Variants in FBXL2 observed in about 807,000 individuals in gnomAD.
FBXL2 encodes F-box and leucine rich repeat protein 2, also known as F-box/LRR-repeat protein 2.
FBXL2 carries 38 observed loss-of-function variants against 69.2 expected under a neutral mutation model. The observed-to-expected ratio is 0.55, with a 90% CI of 0.42 to 0.72. FBXL2 has a LOEUF of 0.72. FBXL2 is among the 30% of genes least tolerant of loss of function. The pLI is 0.00. For synonymous variants in FBXL2, 192 were observed against 201.3 expected, an observed-to-expected ratio of 0.95 and a Z score of 0.39; for missense variants, 354 against 520.3, an observed-to-expected ratio of 0.68 and a Z score of 3.11.
In FBXL2 at chr3:33,385,584, G is replaced by A. The variant is rs578109568; in HGVS notation, c.1248G>A (p.Leu416=). ...PTAVAGSGQR[L]CRCCVIL ...CAGTGGCAGGAAGTGGACAGCGACT[G>A]TGCAGGTGCTGTGTCATTCTCTGAC... Residue 416 remains leucine (L), a synonymous_variant, in exon 15 of 15, where the codon CTG becomes CTA. Coordinates refer to ENST00000484457, the MANE Select transcript of FBXL2 (RefSeq NM_012157.5). 1.9e-6 allele frequency: 3 copies of A among 1,613,930 alleles called. No homozygotes were observed. Among genetic ancestry groups the A allele is most frequent in the Non-Finnish European group, 2.5e-6 (3 of 1,179,990 alleles).
chr3:33,279,515 T>C (rs113684455), intron 1 of FBXL2, among the ~76,000 whole-genome samples: 541 of 152,316 alleles, frequency 3.6e-3, no homozygotes, highest in African/African-American at 0.012. Flanking sequence ...GTGATCCTCC[T>C]GCCTTGGCCT....
chr3:33,312,099 C>A (rs1204070747), intron 2 of FBXL2, among the ~76,000 whole-genome samples: 1 of 152,068 alleles, frequency 6.6e-6, no homozygotes, highest in East Asian at 1.9e-4. Flanking sequence ...CTTTGTCACC[C>A]AGACTGGAGT....
chr3:33,373,257 CAGCACGTGTTAT>C lies in FBXL2; in HGVS notation c.361_372del (p.Thr121_Ser124del). On this transcript the variant is annotated splice_acceptor_variant and coding_sequence_variant, in exon 7 of 15. Coordinates refer to ENST00000484457, the MANE Select transcript of FBXL2 (RefSeq NM_012157.5). LOFTEE classifies it high-confidence loss of function. ...TATCTTTAGTGCGTCTGCTCTTTTT[CAGCACGTGTTAT>C]AGCCTTAGCAGATTCTGTTCCAAGC... 8 of 1,613,956 alleles carry C rather than the reference CAGCACGTGTTAT, an allele frequency of 5.0e-6. No homozygotes were observed. The highest frequency in any genetic ancestry group is 6.8e-6 in the Non-Finnish European group (8 of 1,179,856).
At chr3:33,301,163 G>T (rs2036258902) in intron 2 of FBXL2, among the ~76,000 whole-genome samples, 2 of 152,108 alleles carry the variant, frequency 1.3e-5, no homozygotes, top group Admixed American at 1.3e-4. Flanking sequence ...GTTAAATTAT[G>T]TCTTCATTGT....
chr3:33,355,998 A>G (rs1204584013), intron 2 of FBXL2, among the ~76,000 whole-genome samples: 1 of 152,214 alleles, frequency 6.6e-6, no homozygotes, highest in Non-Finnish European at 1.5e-5. Context: ...GAGATGGGAA[A>G]TAATGTAAAT....
chr3:33,277,188 A>C (rs112844151), upstream of FBXL2: 1 of 343,856 alleles, frequency 2.9e-6, no homozygotes, highest in Non-Finnish European at 5.2e-6. Context: ...TTTTTTTTAA[A>C]AAAAAAAAAA....
At chr3:33,298,013 A>C (rs1302788711) in intron 2 of FBXL2, 1 of 399,916 alleles carries the variant, frequency 2.5e-6, no homozygotes, top group African/African-American at 2.1e-5. Context: ...TTTTCAGTAG[A>C]TAATCGTGAT....
At chr3:33,315,830 C>CT (rs912519116) in intron 2 of FBXL2, among the ~76,000 whole-genome samples, 6 of 151,054 alleles carry the variant, frequency 4.0e-5, no homozygotes, top group Admixed American at 6.6e-5. Context: ...TTATTCTGCT[C>CT]TTTTTTTTTC....
At chr3:33,356,510 C>T (rs1173117527) in intron 2 of FBXL2, among the ~76,000 whole-genome samples, 20 of 152,022 alleles carry the variant, frequency 1.3e-4, no homozygotes. Context: ...CCACCACGCC[C>T]AGCTAATTTT....
intron 2 of FBXL2, among the ~76,000 whole-genome samples, chr3:33,318,008 C>T (rs188818439): frequency 1.3e-3 from 204 of 152,112 alleles, no homozygotes; most frequent in African/African-American, 4.3e-3. Context: ...ATGTTTTGGG[C>T]CAGGTTTCTG....
chr3:33,316,098 G>T (rs1416217907), intron 2 of FBXL2, among the ~76,000 whole-genome samples: 2 of 146,428 alleles, frequency 1.4e-5, no homozygotes, highest in East Asian at 2.0e-4. Context: ...TTACTCTATT[G>T]CCCAGGCTGG....
chr3:33,405,568 A>G (rs1433774711), downstream of FBXL2, among the ~76,000 whole-genome samples: 2 of 152,138 alleles, frequency 1.3e-5, no homozygotes, highest in African/African-American at 2.4e-5. Flanking sequence ...GCTCATGCCT[A>G]TAATCCCAGC....
At chr3:33,324,382 C>T (rs185324010) in intron 2 of FBXL2, among the ~76,000 whole-genome samples, 115 of 152,254 alleles carry the variant, frequency 7.6e-4, no homozygotes, top group African/African-American at 2.6e-3. Flanking sequence ...TTGCCCATGC[C>T]TATGTCCTGA....
intron 2 of FBXL2, among the ~76,000 whole-genome samples, chr3:33,352,695 A>C (rs1439480244): frequency 6.6e-6 from 1 of 152,236 alleles, no homozygotes. Flanking sequence ...CAGGAGTTCA[A>C]GACTAGCCTG....
chr3:33,319,351 A>C (rs2037997163), intron 2 of FBXL2, among the ~76,000 whole-genome samples: 1 of 152,172 alleles, frequency 6.6e-6, no homozygotes, highest in Non-Finnish European at 1.5e-5. Context: ...CTATTAAATA[A>C]ATTAAAAAAT....
At position 33,378,087 on chromosome 3, in the gene FBXL2, T is replaced by C. The variant is rs375411206; in HGVS notation, c.850-16T>C. On this transcript the variant is annotated splice_polypyrimidine_tract_variant and intron_variant, in intron 11 of 14. Coordinates refer to ENST00000484457, the MANE Select transcript of FBXL2 (RefSeq NM_012157.5). The stretch of plus-strand genomic sequence containing the variant: ...CACTGACTCACATGTGGGGTGTGTC[T>C]TGTGGACTCTTCCAGAATTGCCACG... The C allele has an allele frequency of 1.4e-5, 22 of 1,613,980 alleles. No individual in the cohort carries two copies. In the African/African-American group the frequency reaches 2.7e-4, roughly 20 times the overall value.
chr3:33,378,125 T>G lies in FBXL2; in HGVS notation c.872T>G (p.Met291Arg). ...LARNCHELEK[M>R]DLEECILITD... ...CAGAATTGCCACGAATTGGAGAAGA[T>G]GGATCTTGAAGAATGCATCCTGGTG... The change falls in exon 12 of 15, where the codon ATG becomes AGG. Residue 291 changes from methionine (M) to arginine (R), a missense_variant. By Grantham distance (91) the Met-to-Arg change is moderately conservative (BLOSUM62 -1). Coordinates refer to ENST00000484457, the MANE Select transcript of FBXL2 (RefSeq NM_012157.5). The G allele has an allele frequency of 6.2e-7, 1 of 1,614,156 alleles. No individual in the cohort carries two copies. The highest frequency in any genetic ancestry group is 8.5e-7 in the Non-Finnish European group (1 of 1,180,014).
At chr3:33,280,100 A>G (rs1163592995) in intron 1 of FBXL2, among the ~76,000 whole-genome samples, 1 of 152,204 alleles carries the variant, frequency 6.6e-6, no homozygotes, top group East Asian at 1.9e-4. Flanking sequence ...GTTAGATACT[A>G]CGGAACAGGG....
At chr3:33,358,433 A>G (rs181997054) in intron 2 of FBXL2, among the ~76,000 whole-genome samples, 165 of 150,438 alleles carry the variant, frequency 1.1e-3, no homozygotes, top group South Asian at 4.0e-3. Flanking sequence ...TCTTCCCCCC[A>G]CCTCTTCCCG....
Sources: allele counts gnomAD v4.1 joint callset (sites outside exome capture counted in the v4.1 genomes callset), GRCh38; gene constraint gnomAD v4.1.1; transcripts MANE v1.5; gene names NCBI Gene and HGNC (gene_info 2026-07-23, HGNC 2026-07-21).